Variants in CLIC5 observed in about 807,000 individuals in gnomAD.
CLIC5 encodes the protein chloride intracellular channel protein 5.
CLIC5 carries 20 observed loss-of-function variants against 24.7 expected under a neutral mutation model. The ratio of observed to expected loss-of-function variants is 0.81; its 90% CI spans 0.57 to 1.18. The LOEUF (loss-of-function observed/expected upper bound fraction) is 1.18. Ranked by LOEUF, CLIC5 falls within the 50% of genes most tolerant of loss-of-function variation. CLIC5 has a pLI of 0.00. For synonymous variants in CLIC5, 159 were observed against 135.6 expected (o/e 1.17, Z -1.20); for missense variants, 341 against 326.1 (o/e 1.05, Z -0.35).
At chr6:46,040,484 T>C (rs150592183) in intron 1 of CLIC5, among the ~76,000 whole-genome samples, 242 of 151,970 alleles carry the variant, frequency 1.6e-3, no homozygotes, top group African/African-American at 5.7e-3. Flanking sequence ...GCTGGCATTG[T>C]TGGTAGTGGG....
chr6:45,939,102 C>T lies in CLIC5; in HGVS notation c.406+2445G>A, dbSNP rs77644375. On this transcript the variant is annotated intron_variant, in intron 4 of 5. Coordinates refer to ENST00000339561, the MANE Select transcript of CLIC5 (RefSeq NM_016929.5). The stretch of plus-strand genomic sequence containing the variant: ...GGTATTAGTAGGTGTCCTTCCTTGC[C>T]TCTTCCAGCTTCCGGAAAGCTAAGA... 5.9e-3 allele frequency among the ~76,000 whole-genome samples: 893 copies of T among 152,208 alleles called. 6 individuals carry two copies. The highest frequency in any genetic ancestry group is 0.02 in the African/African-American group (850 of 41,512).
upstream of CLIC5, among the ~76,000 whole-genome samples, chr6:46,017,338 CTTA>C (rs1332119208): frequency 6.6e-6 from 1 of 152,080 alleles, no homozygotes; most frequent in Admixed American, 6.5e-5. Flanking sequence ...AGTAATAATA[CTTA>C]TTATGTGCTA....
rs139698077 is a variant in CLIC5 at position 45,955,125 on chromosome 6, C to T, written c.173+10G>A. ...CTAAACATACTCCTCATTTATGCAA[C>T]GTACGTTACCTTTTCAGATCCACAG... On this transcript the variant is annotated intron_variant, in intron 2 of 5. Transcript: ENST00000339561. The T allele has an allele frequency of 8.8e-4, 1,407 of 1,592,476 alleles. 4 individuals carry two copies. The highest frequency in any genetic ancestry group is 1.1e-3 in the Non-Finnish European group (1,247 of 1,161,366).
chr6:45,884,208 T>C (rs1011896449), intron 6 of CLIC5, among the ~76,000 whole-genome samples: 1 of 152,154 alleles, frequency 6.6e-6, no homozygotes, highest in Non-Finnish European at 1.5e-5. Flanking sequence ...AAGGCAGCCA[T>C]AGAACTGGGC....
intron 1 of CLIC5, among the ~76,000 whole-genome samples, chr6:46,014,068 G>C (rs1023811135): frequency 6.6e-6 from 1 of 152,164 alleles, no homozygotes; most frequent in South Asian, 2.1e-4. Context: ...AGAAACCAAA[G>C]GAGCACACAG....
intron 1 of CLIC5, among the ~76,000 whole-genome samples, chr6:46,008,147 C>G (rs867689163): frequency 6.6e-6 from 1 of 152,156 alleles, no homozygotes; most frequent in African/African-American, 2.4e-5. Context: ...CCACTACTTA[C>G]AAGGGAGCAG....
At position 46,031,220 on chromosome 6, in the gene CLIC5, G is replaced by A. The variant is rs543174025; in HGVS notation, c.540+48483C>T. Among the ~76,000 whole-genome samples the A allele has an allele frequency of 5.3e-5, 8 of 152,290 alleles. 1 individual carries two copies. In the East Asian group the frequency reaches 1.3e-3, roughly 26 times the overall value. ...TAATATAAGCAGTGCATTTAAAATA[G>A]TAAGTTGCTGGATCCCTTGCCCCTC... On this transcript the variant is annotated intron_variant, in intron 1 of 5. Coordinates refer to the CLIC5 transcript ENST00000185206.
chr6:46,105,870 G>A, the CLIC5 span, among the ~76,000 whole-genome samples: 4 of 152,182 alleles, frequency 2.6e-5, no homozygotes, highest in African/African-American at 7.2e-5. Context: ...GCAATAAATG[G>A]TTGTCACTAC....
chr6:45,981,775 A>G (rs1245486225), intron 1 of CLIC5, among the ~76,000 whole-genome samples: 1 of 152,146 alleles, frequency 6.6e-6, no homozygotes, highest in African/African-American at 2.4e-5. Context: ...GAGGCCAAGG[A>G]GGGTGGATCA....
upstream of CLIC5, among the ~76,000 whole-genome samples, chr6:46,083,995 CTTG>C (rs1467356153): frequency 1.3e-5 from 2 of 152,136 alleles, no homozygotes; most frequent in East Asian, 1.9e-4. Flanking sequence ...TTAGTTAGCT[CTTG>C]TTGTTGAATT....
chr6:45,895,423 G>A (rs973573521), downstream of CLIC5, among the ~76,000 whole-genome samples: 1 of 152,148 alleles, frequency 6.6e-6, no homozygotes, highest in African/African-American at 2.4e-5. Context: ...TGTACACACT[G>A]TTTTAGAAGG....
At chr6:45,881,472 G>A (rs1167523371) in intron 6 of CLIC5, among the ~76,000 whole-genome samples, 1 of 152,106 alleles carries the variant, frequency 6.6e-6, no homozygotes, top group Non-Finnish European at 1.5e-5. Flanking sequence ...TCCCCGTTAG[G>A]TGATGAGTGG....
At chr6:46,094,505 A>C in the CLIC5 span, among the ~76,000 whole-genome samples, 1 of 152,212 alleles carries the variant, frequency 6.6e-6, no homozygotes, top group African/African-American at 2.4e-5. Flanking sequence ...AAATTGGCCC[A>C]AAAAAGGGGG....
chr6:45,998,355 C>T (rs1007088483), intron 1 of CLIC5, among the ~76,000 whole-genome samples: 5 of 152,084 alleles, frequency 3.3e-5, no homozygotes, highest in Non-Finnish European at 7.4e-5. Flanking sequence ...TTGGCAGGAG[C>T]CAGGAGTCTA....
chr6:46,031,939 TAC>T (rs35929799), intron 1 of CLIC5, among the ~76,000 whole-genome samples: 22 of 146,260 alleles, frequency 1.5e-4, no homozygotes, highest in South Asian at 2.2e-4. Context: ...TATATATATA[TAC>T]ACACACACAC....
intron 1 of CLIC5, among the ~76,000 whole-genome samples, chr6:45,986,184 G>T (rs1765729877): frequency 6.6e-6 from 1 of 152,172 alleles, no homozygotes; most frequent in Non-Finnish European, 1.5e-5. Context: ...AGCAGCATGA[G>T]AACAGACTAA....
At chr6:45,960,691 C>T (rs1424378145) in intron 1 of CLIC5, among the ~76,000 whole-genome samples, 1 of 152,194 alleles carries the variant, frequency 6.6e-6, no homozygotes, top group Non-Finnish European at 1.5e-5. Flanking sequence ...GTCCACACAG[C>T]TTGGTCACCC....
chr6:45,944,549 CAAAAA>C (rs773971605), intron 3 of CLIC5, among the ~76,000 whole-genome samples: 3 of 61,408 alleles, frequency 4.9e-5, no homozygotes, highest in Admixed American at 1.6e-4. Context: ...GGCTTCTCAC[CAAAAA>C]AAAAAAAAAA....
intron 5 of CLIC5, among the ~76,000 whole-genome samples, chr6:45,910,338 T>G (rs1055280252): frequency 6.6e-6 from 1 of 152,178 alleles, no homozygotes; most frequent in African/African-American, 2.4e-5. Context: ...AAGAATCTAT[T>G]ATATTCCCAT....
Sources: gnomAD v4.1 joint callset for allele counts (sites outside exome capture counted in the v4.1 genomes callset) on GRCh38, gnomAD v4.1.1 for gene constraint, MANE v1.5 for transcripts, NCBI Gene and HGNC (gene_info 2026-07-23, HGNC 2026-07-21) for gene names.